The following TOB2 variants were observed in gnomAD, a reference collection of about 807,000 sequenced individuals.
TOB2 encodes transducer of ERBB2, 2, also known as protein Tob2.
TOB2 carries 3 observed loss-of-function variants against 17.3 expected under a neutral mutation model. That is an observed-to-expected ratio of 0.17 (90% CI 0.08 to 0.45). The LOEUF is 0.45. Ranked by LOEUF, TOB2 falls within the 20% of genes least tolerant of loss-of-function variation. The probability of loss-of-function intolerance (pLI) is 0.99; values close to 1 mark genes in which losing one functional copy is unlikely to be tolerated. For missense variants in TOB2, 407 were observed against 445.7 expected (o/e 0.91, Z 0.78); for synonymous variants, 163 against 185.6 (o/e 0.88, Z 0.99).
At position 41,445,611 on chromosome 22, in the gene TOB2, C is replaced by T. The variant is rs2037675413; in HGVS notation, c.-63+768G>A. Among the ~76,000 whole-genome samples the T allele has an allele frequency of 2.0e-5, 3 of 152,264 alleles. No individual in the cohort carries two copies. In the South Asian group the frequency reaches 6.2e-4, roughly 32 times the overall value. On this transcript the variant is annotated intron_variant, in intron 1 of 1. Coordinates refer to ENST00000327492, the MANE Select transcript of TOB2 (RefSeq NM_016272.4). ...CTGCCGGCTGTGCCTCCTCTCTGCA[C>T]CCTCCTTCCCCTCCCAGATTTCTGG...
chr22:41,434,327 G>C lies in TOB2; in HGVS notation c.*1984C>G, dbSNP rs1170237422. The C allele has an allele frequency of 6.5e-6, 1 of 153,116 alleles. No homozygotes were observed. The highest frequency in any genetic ancestry group is 2.4e-5 in the African/African-American group (1 of 41,450). 9.5% of individuals were successfully genotyped at this position (153,116 alleles called of 1,614,324 possible). A position where few individuals can be genotyped will look rare whatever the true frequency, so the allele number is the denominator to read the frequency against. ...TACATGTGAGAAACAAGCCGACCTG[G>C]TGTGGGTGGGTGCCTGTGTGTGTGG... is the stretch of plus-strand genomic sequence containing the variant. On this transcript the variant is annotated 3_prime_UTR_variant, in exon 2 of 2. Coordinates refer to ENST00000327492, the MANE Select transcript of TOB2 (RefSeq NM_016272.4).
intron 1 of TOB2, among the ~76,000 whole-genome samples, chr22:41,440,949 C>A (rs1420452525): frequency 6.6e-6 from 1 of 151,940 alleles, no homozygotes; most frequent in Non-Finnish European, 1.5e-5. Flanking sequence ...CTCAAGTGAT[C>A]CACGTGCCTC....
chr22:41,437,139 C>T lies in TOB2; in HGVS notation c.207G>A (p.Glu69=), dbSNP rs758149830. The stretch of plus-strand genomic sequence containing the variant: ...CCAGGCCACTCCGCTTGGCGGCCAG[C>T]TCCACCACGGGGTCCACCATCTCCC... ...HIGEMVDPVV[E]LAAKRSGLAV... is the part of the protein sequence containing the mutation. The change falls in exon 2 of 2, where the codon GAG becomes GAA. Residue 69 remains glutamate (E), a synonymous_variant. Coordinates refer to ENST00000327492, the MANE Select transcript of TOB2 (RefSeq NM_016272.4). 2 of 1,614,166 alleles carry T rather than the reference C, an allele frequency of 1.2e-6. No individual in the cohort carries two copies. Among genetic ancestry groups the T allele is most frequent in the South Asian group, 1.1e-5 (1 of 91,086 alleles).
Position 41,437,150 on chromosome 22 carries a change from G to A in TOB2, c.196C>T (p.Pro66Ser). Residue 66 changes from proline (P) to serine (S), a missense_variant, in exon 2 of 2, where the codon CCC (proline) becomes TCC (serine). Physicochemically the swap from Pro to Ser is moderately conservative, Grantham distance 74 (BLOSUM62 -1). Transcript: ENST00000327492. ...CGCTTGGCGGCCAGCTCCACCACGG[G>A]GTCCACCATCTCCCCAATGTGAACA... ...RCVHIGEMVD[P>S]VVELAAKRSG... 1 of 1,614,064 alleles carries A rather than the reference G, an allele frequency of 6.2e-7. No homozygotes were observed.
intron 1 of TOB2, among the ~76,000 whole-genome samples, chr22:41,441,784 G>A (rs2037623392): frequency 6.6e-6 from 1 of 151,740 alleles, no homozygotes; most frequent in East Asian, 1.9e-4. Flanking sequence ...GGTGGCACAC[G>A]CCTGTAACCT....
rs542562765 is a variant in TOB2, at chr22:41,436,214, A to G, written c.*97T>C. The stretch of plus-strand genomic sequence containing the variant: ...TAGAAGTAAGAGTGAGAAGATCGAA[A>G]ATCTTTTTGTACATTTTTCTTTTCC... On this transcript the variant is annotated 3_prime_UTR_variant, in exon 2 of 2. Transcript: ENST00000327492. This position sits in a 1 kb window ranked among gnomAD's most constrained non-coding sequence, Gnocchi z 4.8. 3.8e-5 allele frequency: 54 copies of G among 1,423,148 alleles called. No individual in the cohort carries two copies. The highest frequency in any genetic ancestry group is 4.9e-5 in the Non-Finnish European group (53 of 1,084,380). The allele number at this position is 1,423,148 out of a possible 1,614,324, so 88.2% of individuals were successfully genotyped here.
At chr22:41,441,470 C>T (rs554540958) in intron 1 of TOB2, among the ~76,000 whole-genome samples, 1 of 152,158 alleles carries the variant, frequency 6.6e-6, no homozygotes, top group South Asian at 2.1e-4. Context: ...AGGTGTCCAA[C>T]AAGGAGCAGA....
At chr22:41,438,661 A>AAAAAAAAAAAAAAAAAAG (rs2037581649) in intron 1 of TOB2, among the ~76,000 whole-genome samples, 1 of 144,290 alleles carries the variant, frequency 6.9e-6, no homozygotes, top group East Asian at 2.0e-4. Context: ...AAAAAAAAAA[A>AAAAAAAAAAAAAAAAAAG]GGAATAAGAC....
Position 41,436,539 on chromosome 22 carries a change from G to C in TOB2, c.807C>G (p.Ser269Arg), listed in dbSNP as rs1468276763. Residue 269 changes from serine to arginine, a missense_variant, in exon 2 of 2, where the codon AGC becomes AGG. By Grantham distance (110) the Ser-to-Arg change is moderately radical (BLOSUM62 -1). Coordinates refer to ENST00000327492, the MANE Select transcript of TOB2 (RefSeq NM_016272.4). The surrounding 1 kb of genome is among the most constrained non-coding windows in gnomAD (Gnocchi z 4.8). ...EFVYNGGGSP[S>R]LFFDAADGQG... ...GGCCATCGGCCGCATCAAAGAAGAG[G>C]CTGGGTGAGCCACCACCGTTGTACA... is the stretch of plus-strand genomic sequence containing the variant. 12 of 1,610,428 alleles carry C rather than the reference G, an allele frequency of 7.5e-6. No homozygotes were observed. The highest frequency in any genetic ancestry group is 1.0e-5 in the Non-Finnish European group (12 of 1,178,328).
In TOB2 at chr22:41,436,063, A is replaced by T; in HGVS notation, c.*248T>A. 7.5e-6 allele frequency: 3 copies of T among 399,798 alleles called. No individual in the cohort carries two copies. Among genetic ancestry groups the T allele is most frequent in the East Asian group, 3.8e-5 (1 of 26,408 alleles). The allele number at this position is 399,798 out of a possible 1,614,324, so 24.8% of individuals were successfully genotyped here. A position where few individuals can be genotyped will look rare whatever the true frequency, so the allele number is the denominator to read the frequency against. ...CATGTAAGAAAAAAAAAAAAGAAAA[A>T]GAAATATAAAACCCAAACCAACCAA... On this transcript the variant is annotated 3_prime_UTR_variant, in exon 2 of 2. Coordinates refer to ENST00000327492, the MANE Select transcript of TOB2 (RefSeq NM_016272.4). This position sits in a 1 kb window ranked among gnomAD's most constrained non-coding sequence, Gnocchi z 4.8.
chr22:41,436,783 G>C lies in TOB2; in HGVS notation c.563C>G (p.Ser188Cys). The change falls in exon 2 of 2, where the codon TCC (serine) becomes TGC (cysteine). Residue 188 changes from serine (S) to cysteine (C), a missense_variant. Ser to Cys is a moderately radical substitution (Grantham distance 112). Coordinates refer to ENST00000327492, the MANE Select transcript of TOB2 (RefSeq NM_016272.4). This position sits in a 1 kb window ranked among gnomAD's most constrained non-coding sequence, Gnocchi z 4.8. ...TASFAATKFG[S>C]TKMKKGGGAA... ...CCCGCCCCCCTTCTTCATCTTAGTGGAGCCAAATTTGGTGGCAGCGAAGGA... is the reference window on the plus strand; with the variant it reads ...CCCGCCCCCCTTCTTCATCTTAGTGCAGCCAAATTTGGTGGCAGCGAAGGA... The C allele has an allele frequency of 6.2e-7, 1 of 1,614,012 alleles. No homozygotes were observed. Among genetic ancestry groups the C allele is most frequent in the Non-Finnish European group, 8.5e-7 (1 of 1,179,934 alleles).
chr22:41,441,055 C>T (rs1186578435), intron 1 of TOB2, among the ~76,000 whole-genome samples: 7 of 152,058 alleles, frequency 4.6e-5, no homozygotes, highest in South Asian at 2.1e-4. Context: ...CGGTGACTCA[C>T]GCCTGTAATC....
chr22:41,445,522 C>A (rs577012287), intron 1 of TOB2, among the ~76,000 whole-genome samples: 2 of 152,314 alleles, frequency 1.3e-5, no homozygotes, highest in East Asian at 3.9e-4. Flanking sequence ...GACTGGCCTC[C>A]ACCCGTCCCC....
intron 1 of TOB2, among the ~76,000 whole-genome samples, chr22:41,439,625 C>T (rs1227817519): frequency 1.3e-5 from 2 of 152,058 alleles, no homozygotes; most frequent in East Asian, 1.9e-4. Flanking sequence ...AAGTGATTCT[C>T]GTGCCTTGGC....
Position 41,436,797 on chromosome 22 carries a change from G to T in TOB2, c.549C>A (p.Ala183=), listed in dbSNP as rs1257180695. The T allele has an allele frequency of 1.2e-6, 2 of 1,613,906 alleles. No individual in the cohort carries two copies. The highest frequency in any genetic ancestry group is 1.3e-5 in the African/African-American group (1 of 74,924). ...PITFTTASFA[A]TKFGSTKMKK... is the part of the protein sequence containing the mutation. ...TCATCTTAGTGGAGCCAAATTTGGT[G>T]GCAGCGAAGGAGGCGGTGGTGAAGG... Residue 183 remains alanine, a synonymous_variant, in exon 2 of 2, where the codon GCC becomes GCA. Transcript: ENST00000327492. The surrounding 1 kb of genome is among the most constrained non-coding windows in gnomAD (Gnocchi z 4.8).
At chr22:41,442,782 C>G (rs2037633650) in intron 1 of TOB2, among the ~76,000 whole-genome samples, 2 of 152,056 alleles carry the variant, frequency 1.3e-5, no homozygotes, top group South Asian at 4.1e-4. Flanking sequence ...TTTTAAAAAG[C>G]TATGAACAAA....
chr22:41,436,644 A>G lies in TOB2; in HGVS notation c.702T>C (p.Ser234=). The G allele has an allele frequency of 6.2e-7, 1 of 1,614,072 alleles. No homozygotes were observed. Among genetic ancestry groups the G allele is most frequent in the Non-Finnish European group, 8.5e-7 (1 of 1,180,020 alleles). The change falls in exon 2 of 2, where the codon TCT becomes TCC. Residue 234 remains serine (S), a synonymous_variant. Coordinates refer to ENST00000327492, the MANE Select transcript of TOB2 (RefSeq NM_016272.4). This position sits in a 1 kb window ranked among gnomAD's most constrained non-coding sequence, Gnocchi z 4.8. The part of the protein sequence containing the change: ...TNSLLKHKSL[S]LSMHSLNFIT... ...TGAAGTTCAGTGAATGCATAGACAGAGAGAGGCTCTTGTGCTTCAGCAGGC... is the reference window on the plus strand; with the variant it reads ...TGAAGTTCAGTGAATGCATAGACAGGGAGAGGCTCTTGTGCTTCAGCAGGC...
At chr22:41,440,787 G>C (rs980964086) in intron 1 of TOB2, among the ~76,000 whole-genome samples, 1 of 151,876 alleles carries the variant, frequency 6.6e-6, no homozygotes, top group South Asian at 2.1e-4. Flanking sequence ...GGCTGCTCTT[G>C]AACTCCTGGC....
chr22:41,435,750 G>A lies in TOB2; in HGVS notation c.*561C>T, dbSNP rs936635375. The A allele has an allele frequency of 2.1e-4, 32 of 152,920 alleles. No individual in the cohort carries two copies. Among genetic ancestry groups the A allele is most frequent in the African/African-American group, 7.5e-4 (31 of 41,588 alleles). 9.5% of individuals were successfully genotyped at this position (152,920 alleles called of 1,614,324 possible). On this transcript the variant is annotated 3_prime_UTR_variant, in exon 2 of 2. Transcript: ENST00000327492. ...GTGGCCCAGCCTGAAAGGGAGTGGG[G>A]ACTGGGGTCAGACCTATTCAGGTGG...
Sources: gnomAD v4.1 joint callset for allele counts (sites outside exome capture counted in the v4.1 genomes callset) on GRCh38, gnomAD v4.1.1 for gene constraint, Gnocchi (gnomAD v3.1) non-coding constraint, MANE v1.5 for transcripts, NCBI Gene and HGNC (gene_info 2026-07-23, HGNC 2026-07-21) for gene names.